Variants in SV2B observed in about 807,000 individuals in gnomAD.
The protein encoded by SV2B is solute carrier family 22 member B2.
A neutral mutation model predicts 73.9 loss-of-function variants in SV2B; 41 were observed. The ratio of observed to expected loss-of-function variants is 0.56; its 90% CI spans 0.43 to 0.72. The LOEUF is 0.72. Ranked by LOEUF, SV2B falls within the 30% of genes least tolerant of loss-of-function variation. The pLI, the probability that SV2B is intolerant of heterozygous loss-of-function variation, is 0.00. For missense variants in SV2B, 764 were observed against 857.8 expected (o/e 0.89, Z 1.37); for synonymous variants, 314 against 314.2 (o/e 1.00, Z 0.01).
intron 9 of SV2B, among the ~76,000 whole-genome samples, chr15:91,270,059 A>G (rs1388777592): frequency 3.9e-5 from 6 of 152,176 alleles, no homozygotes; most frequent in Non-Finnish European, 7.4e-5. Context: ...CAAGGAAGAA[A>G]TATCACCCTT....
chr15:91,257,312 G>A lies in SV2B; in HGVS notation c.785-1109G>A, dbSNP rs576112067. On this transcript the variant is annotated intron_variant, in intron 4 of 12. Transcript: ENST00000394232. ...ATCATTACCTGTATTCTACAGCTGC[G>A]AAAACCCACCAGTGCAGTTCGATGG... Among the ~76,000 whole-genome samples the A allele has an allele frequency of 1.6e-4, 24 of 152,258 alleles. 1 individual carries two copies. In the South Asian group the frequency reaches 5.0e-3, roughly 32 times the overall value.
In SV2B at chr15:91,268,690, A is replaced by C; in HGVS notation, c.1373+85A>C. On this transcript the variant is annotated intron_variant, in intron 9 of 12. Coordinates refer to ENST00000394232, the MANE Select transcript of SV2B (RefSeq NM_001323032.3). This position sits in a 1 kb window ranked among gnomAD's most constrained non-coding sequence, Gnocchi z 4.4. ...GGGAGGGAGCCGGAGGGAAGATAAGAATCAAATATGGCCGGGAATGAGCGC... is the reference window on the plus strand; with the variant it reads ...GGGAGGGAGCCGGAGGGAAGATAAGCATCAAATATGGCCGGGAATGAGCGC... 2 of 1,518,218 alleles carry C rather than the reference A, an allele frequency of 1.3e-6. No individual in the cohort carries two copies. Among genetic ancestry groups the C allele is most frequent in the Non-Finnish European group, 1.8e-6 (2 of 1,122,712 alleles). 94.0% of individuals were successfully genotyped at this position (1,518,218 alleles called of 1,614,324 possible). A position where few individuals can be genotyped will look rare whatever the true frequency, so the allele number is the denominator to read the frequency against.
chr15:91,191,059 G>GTTTTTTTTTT (rs1161482690), intron 1 of SV2B, among the ~76,000 whole-genome samples: 1 of 59,734 alleles, frequency 1.7e-5, no homozygotes, highest in Non-Finnish European at 3.5e-5. Flanking sequence ...TTTTTTTGGT[G>GTTTTTTTTTT]TTTCTTTTTT....
At chr15:91,278,276 C>T (rs941344561) in intron 9 of SV2B, among the ~76,000 whole-genome samples, 8 of 151,904 alleles carry the variant, frequency 5.3e-5, no homozygotes, top group African/African-American at 1.2e-4. Context: ...ATGCGGGCTT[C>T]GAGAGGAGAA....
intron 2 of SV2B, among the ~76,000 whole-genome samples, chr15:91,250,643 A>G (rs2047446796): frequency 6.6e-6 from 1 of 152,186 alleles, no homozygotes; most frequent in Non-Finnish European, 1.5e-5. Context: ...ACCAACATAA[A>G]AATAGTAATG....
chr15:91,222,190 T>C (rs1157486648), intron 1 of SV2B, among the ~76,000 whole-genome samples: 1 of 152,118 alleles, frequency 6.6e-6, no homozygotes, highest in African/African-American at 2.4e-5. Context: ...TGGAACCCCT[T>C]GGAGAACAAA....
chr15:91,178,583 T>C (rs1309237546), intron 1 of SV2B, among the ~76,000 whole-genome samples: 4 of 152,270 alleles, frequency 2.6e-5, no homozygotes, highest in Non-Finnish European at 1.5e-5. Context: ...TGTTATTGGT[T>C]GATTCAGAGA....
At chr15:91,209,886 T>G (rs904380158) in intron 1 of SV2B, among the ~76,000 whole-genome samples, 2 of 152,244 alleles carry the variant, frequency 1.3e-5, no homozygotes, top group Non-Finnish European at 2.9e-5. Context: ...AGCCCAGAAC[T>G]GCACAAAACA....
chr15:91,289,574 AG>A lies in SV2B; in HGVS notation c.1763del (p.Ser588MetfsTer5), dbSNP rs1453874156. The A allele has an allele frequency of 6.2e-7, 1 of 1,614,186 alleles. No individual in the cohort carries two copies. Among genetic ancestry groups the A allele is most frequent in the African/African-American group, 1.3e-5 (1 of 75,054 alleles). On this transcript the variant is annotated frameshift_variant, in exon 12 of 13. Coordinates refer to ENST00000394232, the MANE Select transcript of SV2B (RefSeq NM_001323032.3). LOFTEE classifies it high-confidence loss of function. The surrounding 1 kb of genome is among the most constrained non-coding windows in gnomAD (Gnocchi z 4.9). The stretch of plus-strand genomic sequence containing the variant: ...CTGCTTCTTCCTGTTTTTTGGCAAC[AG>A]TGAGTCTGCAATGATCGGCTGGCAG... ...VCCFFLFFGN[S>X]ESAMIGWQCL...
Position 91,110,917 on chromosome 15 carries a change from G to A in SV2B, c.-392+10554G>A, listed in dbSNP as rs1216862927. On this transcript the variant is annotated intron_variant, in intron 1 of 12. Transcript: ENST00000394232. This position sits in a 1 kb window ranked among gnomAD's most constrained non-coding sequence, Gnocchi z 5.4. Reference sequence around the variant, plus strand: ...GCTATAGGGTAGCAATGTAAAGGCAGTAGCTTGAAACTTAAGGCAAAGAAG... The same window carrying A: ...GCTATAGGGTAGCAATGTAAAGGCAATAGCTTGAAACTTAAGGCAAAGAAG... Among the ~76,000 whole-genome samples, 1 of 151,818 alleles carries A rather than the reference G, an allele frequency of 6.6e-6. No homozygotes were observed. The highest frequency in any genetic ancestry group is 1.5e-5 in the Non-Finnish European group (1 of 67,918).
rs945453043 is a variant in SV2B, at chr15:91,284,249, G to A, written c.1708+28G>A. 1 of 1,611,878 alleles carries A rather than the reference G, an allele frequency of 6.2e-7. No individual in the cohort carries two copies. The highest frequency in any genetic ancestry group is 1.3e-5 in the African/African-American group (1 of 74,896). ...GAGTTGCCAGCAGGGTCATTCCTGGGTTCCAACGCGCTGGGGTGGTGACTT... is the reference window on the plus strand; with the variant it reads ...GAGTTGCCAGCAGGGTCATTCCTGGATTCCAACGCGCTGGGGTGGTGACTT... On this transcript the variant is annotated intron_variant, in intron 11 of 12. Coordinates refer to ENST00000394232, the MANE Select transcript of SV2B (RefSeq NM_001323032.3). The surrounding 1 kb of genome is among the most constrained non-coding windows in gnomAD (Gnocchi z 4.5).
At chr15:91,158,147 G>T (rs756926001) in intron 1 of SV2B, among the ~76,000 whole-genome samples, 2 of 152,166 alleles carry the variant, frequency 1.3e-5, no homozygotes, top group Non-Finnish European at 2.9e-5. Context: ...CAATGTGATG[G>T]TGTTGGGAGA....
intron 4 of SV2B, among the ~76,000 whole-genome samples, chr15:91,254,238 T>TC (rs892272842): frequency 6.6e-6 from 1 of 150,808 alleles, no homozygotes; most frequent in Non-Finnish European, 1.5e-5. Flanking sequence ...TCACTTCTTT[T>TC]TTTTTTTTTT....
In SV2B at chr15:91,281,830, T is replaced by C. The variant is rs780865308; in HGVS notation, c.1476T>C (p.Cys492=). The change falls in exon 10 of 13, where the codon TGT becomes TGC. Residue 492 remains cysteine (C), a synonymous_variant. Coordinates refer to ENST00000394232, the MANE Select transcript of SV2B (RefSeq NM_001323032.3). The surrounding 1 kb of genome is among the most constrained non-coding windows in gnomAD (Gnocchi z 4.7). ...VTSTDTYFKN[C]TIESTIFYNT... ...CAACAGATACCTACTTCAAAAATTG[T>C]ACCATTGAATCAACCATCTTTTACA... 1.7e-5 allele frequency: 27 copies of C among 1,612,862 alleles called. No individual in the cohort carries two copies. Among genetic ancestry groups the C allele is most frequent in the Non-Finnish European group, 2.3e-5 (27 of 1,179,478 alleles).
rs1029593748 is a variant in SV2B at position 91,226,048 on chromosome 15, G to A, written c.-216G>A. On this transcript the variant is annotated 5_prime_UTR_variant, in exon 2 of 13. Transcript: ENST00000394232. ...ACTTTCCAGACTTCCAACAGACATCGAGTGCAAAAGGATATTTAGGTTGTC... is the reference window on the plus strand; with the variant it reads ...ACTTTCCAGACTTCCAACAGACATCAAGTGCAAAAGGATATTTAGGTTGTC... 3.0e-5 allele frequency: 17 copies of A among 560,880 alleles called. No homozygotes were observed. The highest frequency in any genetic ancestry group is 2.5e-4 in the East Asian group (8 of 32,534). The allele number at this position is 560,880 out of a possible 1,614,324, so 34.7% of individuals were successfully genotyped here. A position where few individuals can be genotyped will look rare whatever the true frequency, so the allele number is the denominator to read the frequency against.
At chr15:91,183,080 T>TGA (rs1401118314) in intron 1 of SV2B, among the ~76,000 whole-genome samples, 1 of 152,210 alleles carries the variant, frequency 6.6e-6, no homozygotes, top group Non-Finnish European at 1.5e-5. Flanking sequence ...TATGTAGTCC[T>TGA]ATACAATCAA....
chr15:91,120,636 A>G (rs1208704535), intron 1 of SV2B, among the ~76,000 whole-genome samples: 1 of 152,060 alleles, frequency 6.6e-6, no homozygotes, highest in Non-Finnish European at 1.5e-5. Flanking sequence ...CAACAGGGTG[A>G]AACCCCATCT....
intron 1 of SV2B, among the ~76,000 whole-genome samples, chr15:91,167,613 G>A (rs1352070017): frequency 6.6e-6 from 1 of 151,894 alleles, no homozygotes; most frequent in Non-Finnish European, 1.5e-5. Flanking sequence ...CTTATAGAAG[G>A]GCCCTGTGAT....
chr15:91,099,779 C>T (rs997093171), upstream of SV2B, among the ~76,000 whole-genome samples: 7 of 152,162 alleles, frequency 4.6e-5, no homozygotes, highest in Non-Finnish European at 1.0e-4. Flanking sequence ...GCGGCGTGAT[C>T]AGAGGATTCC....
Sources: allele counts gnomAD v4.1 joint callset (sites outside exome capture counted in the v4.1 genomes callset), GRCh38; gene constraint gnomAD v4.1.1; non-coding constraint Gnocchi (gnomAD v3.1); transcripts MANE v1.5; gene names NCBI Gene and HGNC (gene_info 2026-07-23, HGNC 2026-07-21).